TMEM114: variants seen among roughly 807,000 people sequenced by gnomAD.
TMEM114 encodes transmembrane protein 114.
A neutral mutation model predicts 6.2 loss-of-function variants in TMEM114; 6 were observed. The ratio of observed to expected loss-of-function variants is 0.97; its 90% CI spans 0.53 to 1.91. The LOEUF (loss-of-function observed/expected upper bound fraction) is 1.91, where lower values mean the gene tolerates loss of function less well. TMEM114 is among the 40% of genes most tolerant of loss of function. The pLI, the probability that TMEM114 is intolerant of heterozygous loss-of-function variation, is 0.01. For synonymous variants in TMEM114, 104 were observed against 73.0 expected (o/e 1.42, Z -2.16); for missense variants, 218 against 158.3 (o/e 1.38, Z -2.02).
intron 2 of TMEM114, among the ~76,000 whole-genome samples, chr16:8,582,671 C>G (rs1016842219): frequency 2.6e-5 from 4 of 152,128 alleles, no homozygotes; most frequent in Admixed American, 2.6e-4. Context: ...GGGTGGATCA[C>G]TTGAGGTCAA....
intron 2 of TMEM114, among the ~76,000 whole-genome samples, chr16:8,562,545 T>G (rs1304145112): frequency 6.7e-6 from 1 of 150,350 alleles, no homozygotes; most frequent in Non-Finnish European, 1.5e-5. Context: ...AGTGAGTGAA[T>G]GAGTGAGTGC....
In TMEM114 at chr16:8,569,719, G is replaced by A. The variant is rs777668583; in HGVS notation, c.*54C>T. The A allele has an allele frequency of 3.3e-6, 5 of 1,497,390 alleles. No homozygotes were observed. The African/African-American group carries it at 4.2e-5, about 13-fold the overall frequency. The allele number at this position is 1,497,390 out of a possible 1,614,324, so 92.8% of individuals were successfully genotyped here. The stretch of plus-strand genomic sequence containing the variant: ...AGGCCGCAGCCGATGGAGATCGGTC[G>A]GTGAAGCTCCGGGGCCAAGCCCCTC... On this transcript the variant is annotated 3_prime_UTR_variant, in exon 4 of 4. Transcript: ENST00000620492.
chr16:8,586,809 C>T (rs149223414), intron 2 of TMEM114, among the ~76,000 whole-genome samples: 20 of 152,256 alleles, frequency 1.3e-4, no homozygotes, highest in African/African-American at 4.6e-4. Context: ...CACGCCTGGC[C>T]GAATTCTTAT....
At chr16:8,587,434 C>CA (rs1456090626) in intron 2 of TMEM114, among the ~76,000 whole-genome samples, 1 of 152,134 alleles carries the variant, frequency 6.6e-6, no homozygotes, top group East Asian at 1.9e-4. Flanking sequence ...CCCCACCCCA[C>CA]AAAAAAGTCA....
chr16:8,540,055 C>G (rs1250855001), intron 2 of TMEM114, among the ~76,000 whole-genome samples: 2 of 151,982 alleles, frequency 1.3e-5, no homozygotes, highest in Non-Finnish European at 2.9e-5. Context: ...CGACCTCAGC[C>G]TAAGGTGATC....
At chr16:8,545,163 C>T (rs1274203313) in intron 2 of TMEM114, among the ~76,000 whole-genome samples, 1 of 152,152 alleles carries the variant, frequency 6.6e-6, no homozygotes, top group Admixed American at 6.5e-5. Flanking sequence ...TTTGGCCAGG[C>T]TCAATGGCTC....
intron 2 of TMEM114, among the ~76,000 whole-genome samples, chr16:8,544,647 C>G (rs1900606982): frequency 6.6e-6 from 1 of 152,184 alleles, no homozygotes; most frequent in African/African-American, 2.4e-5. Flanking sequence ...GGCCACTGGT[C>G]TATAACTGTT....
At chr16:8,548,968 G>T (rs1900757705) in intron 2 of TMEM114, among the ~76,000 whole-genome samples, 1 of 151,330 alleles carries the variant, frequency 6.6e-6, no homozygotes, top group Admixed American at 6.6e-5. Context: ...GGATCACAAG[G>T]TCAGGAGATC....
chr16:8,554,942 G>T (rs976128141), intron 2 of TMEM114, among the ~76,000 whole-genome samples: 2 of 152,202 alleles, frequency 1.3e-5, no homozygotes, highest in Non-Finnish European at 2.9e-5. Context: ...GAGCCCCTAT[G>T]CTCTGCAGAC....
intron 2 of TMEM114, among the ~76,000 whole-genome samples, chr16:8,560,100 C>A (rs925677533): frequency 2.6e-5 from 4 of 152,138 alleles, no homozygotes; most frequent in Admixed American, 2.0e-4. Flanking sequence ...AGGCTCAATT[C>A]CCCCACCTCA....
intron 2 of TMEM114, among the ~76,000 whole-genome samples, chr16:8,548,334 T>C (rs1477534140): frequency 6.6e-6 from 1 of 152,200 alleles, no homozygotes; most frequent in Non-Finnish European, 1.5e-5. Flanking sequence ...ACTCTGGCAA[T>C]TATAACACAT....
chr16:8,578,612 A>G (rs899633420), intron 2 of TMEM114, among the ~76,000 whole-genome samples: 1 of 152,338 alleles, frequency 6.6e-6, no homozygotes, highest in Middle Eastern at 3.4e-3. Context: ...TCCACACAGT[A>G]CCACGTCTTG....
intron 2 of TMEM114, among the ~76,000 whole-genome samples, chr16:8,585,219 C>T (rs187238676): frequency 6.6e-6 from 1 of 152,164 alleles, no homozygotes; most frequent in Non-Finnish European, 1.5e-5. Context: ...ATTCAATTAC[C>T]TCCCACCAGA....
intron 2 of TMEM114, among the ~76,000 whole-genome samples, chr16:8,549,597 CT>C (rs1339373971): frequency 1.3e-5 from 2 of 151,794 alleles, no homozygotes; most frequent in Non-Finnish European, 2.9e-5. Context: ...AAAGTTCAAC[CT>C]TTTATTCCAA....
At chr16:8,538,083 G>A (rs1900413010) in intron 2 of TMEM114, among the ~76,000 whole-genome samples, 1 of 126,448 alleles carries the variant, frequency 7.9e-6, no homozygotes, top group South Asian at 2.7e-4. Flanking sequence ...TAGATTTCTT[G>A]AGCCCAGGAG....
In TMEM114 at chr16:8,550,038, G is replaced by A. The variant is rs150478697; in HGVS notation, n.213-12212C>T. Among the ~76,000 whole-genome samples the A allele has an allele frequency of 9.9e-5, 15 of 152,272 alleles. No individual in the cohort carries two copies. The East Asian group carries it at 1.5e-3, about 16-fold the overall frequency. On this transcript the variant is annotated intron_variant and non_coding_transcript_variant, in intron 2 of 2. Coordinates refer to the TMEM114 transcript ENST00000623677. The stretch of plus-strand genomic sequence containing the variant: ...CCTGGCAAACCACTGGTGTAAGCCC[G>A]AGAGTCCAAAAGCCAAAGAACTTGG...
chr16:8,582,659 G>A (rs1046897737), intron 2 of TMEM114, among the ~76,000 whole-genome samples: 9 of 152,162 alleles, frequency 5.9e-5, no homozygotes, highest in Non-Finnish European at 1.0e-4. Flanking sequence ...GGAGGCCGAG[G>A]CGGGTGGATC....
intron 2 of TMEM114, among the ~76,000 whole-genome samples, chr16:8,579,082 C>G (rs912329845): frequency 6.6e-6 from 1 of 152,142 alleles, no homozygotes; most frequent in Admixed American, 6.5e-5. Flanking sequence ...TGCTTTGCTA[C>G]AAGTCAAGGG....
chr16:8,569,697 C>G lies in TMEM114; in HGVS notation c.*76G>C. 6.8e-7 allele frequency: 1 copy of G among 1,465,582 alleles called. No homozygotes were observed. The highest frequency in any genetic ancestry group is 9.0e-7 in the Non-Finnish European group (1 of 1,107,918). 90.8% of individuals were successfully genotyped at this position (1,465,582 alleles called of 1,614,324 possible). ...CGAGTGGCCTTTGAGGAAGAAGAGG[C>G]CGCAGCCGATGGAGATCGGTCGGTG... On this transcript the variant is annotated 3_prime_UTR_variant, in exon 4 of 4. Transcript: ENST00000620492.
Sources: gnomAD v4.1 joint callset for allele counts (sites outside exome capture counted in the v4.1 genomes callset) on GRCh38, gnomAD v4.1.1 for gene constraint, MANE v1.5 for transcripts, NCBI Gene and HGNC (gene_info 2026-07-23, HGNC 2026-07-21) for gene names.